Variants in ELMO1 observed in about 807,000 individuals in gnomAD.
The protein encoded by ELMO1 is engulfment and cell motility 1.
A neutral mutation model predicts 98.9 loss-of-function variants in ELMO1; 26 were observed. That is an observed-to-expected ratio of 0.26 (90% confidence interval 0.19 to 0.36). ELMO1 has a LOEUF of 0.36. ELMO1 is among the 10% of genes least tolerant of loss of function. The pLI is 1.00. For synonymous variants in ELMO1, 346 were observed against 346.0 expected (o/e 1.00, Z 0.00); for missense variants, 627 against 935.2 (o/e 0.67, Z 4.30).
intron 13 of ELMO1, among the ~76,000 whole-genome samples, chr7:37,142,706 T>A (rs1787717679): frequency 1.3e-5 from 2 of 152,226 alleles, no homozygotes; most frequent in African/African-American, 4.8e-5. Flanking sequence ...ATAGGCCAGC[T>A]GACACAGGAG....
chr7:36,881,156 G>A (rs866558896), intron 18 of ELMO1, among the ~76,000 whole-genome samples: 8 of 152,184 alleles, frequency 5.3e-5, no homozygotes, highest in Non-Finnish European at 1.0e-4. Flanking sequence ...GGCTGAAAAC[G>A]CTGAGAAACT....
chr7:37,230,483 C>T (rs1446804633), intron 8 of ELMO1, among the ~76,000 whole-genome samples: 3 of 152,190 alleles, frequency 2.0e-5, no homozygotes, highest in Non-Finnish European at 4.4e-5. Context: ...ACCAAGGACG[C>T]CCACTCACTA....
chr7:37,078,792 T>C (rs1018942869), intron 15 of ELMO1, among the ~76,000 whole-genome samples: 1 of 152,144 alleles, frequency 6.6e-6, no homozygotes, highest in Non-Finnish European at 1.5e-5. Flanking sequence ...ATACACACAA[T>C]GAAACACTAA....
At chr7:37,255,772 C>T (rs369773803) in intron 6 of ELMO1, among the ~76,000 whole-genome samples, 2 of 124,352 alleles carry the variant, frequency 1.6e-5, no homozygotes, top group East Asian at 4.5e-4. Context: ...TTACAACTGG[C>T]TCTGATGCAT....
At chr7:37,233,223 A>C (rs201146518) in intron 7 of ELMO1, 29 bp from the exon 8 acceptor site, 1 of 1,590,204 alleles carries the variant, frequency 6.3e-7, no homozygotes, top group African/African-American at 1.4e-5. Flanking sequence ...CACAAGAGTC[A>C]AGAGCCCCAA....
intron 20 of ELMO1, among the ~76,000 whole-genome samples, chr7:36,864,422 T>G (rs983741185): frequency 1.3e-5 from 2 of 152,176 alleles, no homozygotes; most frequent in African/African-American, 2.4e-5. Context: ...AATTCCCACT[T>G]TAATTTCACC....
rs1378926398 is a variant in ELMO1 at position 36,854,212 on chromosome 7, G to A, written c.*1339C>T. 1 of 152,150 alleles carries A rather than the reference G, an allele frequency of 6.6e-6. No individual in the cohort carries two copies. Among genetic ancestry groups the A allele is most frequent in the Non-Finnish European group, 1.5e-5 (1 of 68,034 alleles). The allele number at this position is 152,150 out of a possible 1,614,324, so 9.4% of individuals were successfully genotyped here. A position where few individuals can be genotyped will look rare whatever the true frequency, so the allele number is the denominator to read the frequency against. On this transcript the variant is annotated 3_prime_UTR_variant, in exon 22 of 22. Coordinates refer to ENST00000310758, the MANE Select transcript of ELMO1 (RefSeq NM_014800.11). ...ATGGTGGAGGGTTTCCCACAGCAGT[G>A]TTTTTCAAACCAATGTACATAAACA...
At chr7:37,141,188 T>C (rs577323286) in intron 13 of ELMO1, among the ~76,000 whole-genome samples, 8 of 152,292 alleles carry the variant, frequency 5.3e-5, no homozygotes, top group African/African-American at 1.9e-4. Context: ...ATATACACCA[T>C]GGAATATGAC....
At chr7:36,932,534 G>A (rs1426663549) in intron 16 of ELMO1, among the ~76,000 whole-genome samples, 1 of 152,130 alleles carries the variant, frequency 6.6e-6, no homozygotes, top group Non-Finnish European at 1.5e-5. Context: ...TGGGGGCAAG[G>A]GCAACAGTGA....
intron 17 of ELMO1, among the ~76,000 whole-genome samples, chr7:36,894,485 C>T (rs951412376): frequency 1.3e-5 from 2 of 152,188 alleles, no homozygotes; most frequent in African/African-American, 4.8e-5. Context: ...CTCTGGCTGG[C>T]TCACAAGGTC....
intron 16 of ELMO1, among the ~76,000 whole-genome samples, chr7:36,989,351 C>G (rs1791718381): frequency 2.6e-5 from 4 of 152,108 alleles, no homozygotes; most frequent in Admixed American, 2.6e-4. Flanking sequence ...CAAGGATCAC[C>G]TACATTAGAA....
intron 4 of ELMO1, among the ~76,000 whole-genome samples, chr7:37,272,719 A>AT (rs1168654209): frequency 6.6e-6 from 1 of 152,124 alleles, no homozygotes; most frequent in Non-Finnish European, 1.5e-5. Flanking sequence ...AATACATGCT[A>AT]TAACATGGAT....
chr7:36,897,397 A>G (rs1806122270), intron 16 of ELMO1, among the ~76,000 whole-genome samples: 1 of 138,718 alleles, frequency 7.2e-6, no homozygotes, highest in Non-Finnish European at 1.6e-5. Flanking sequence ...AGGTGACTCA[A>G]GCCCTGCATT....
chr7:36,885,319 A>AAAC (rs143571798), intron 18 of ELMO1, among the ~76,000 whole-genome samples: 1,955 of 150,340 alleles, frequency 0.013, 40 homozygotes, highest in African/African-American at 0.041. Context: ...AACATTTTTT[A>AAAC]AACAACAACA....
intron 4 of ELMO1, among the ~76,000 whole-genome samples, chr7:37,305,787 C>T (rs1409030923): frequency 6.6e-6 from 1 of 152,154 alleles, no homozygotes; most frequent in Admixed American, 6.5e-5. Flanking sequence ...CTGGAATATA[C>T]AGTTTTTGAT....
At position 37,331,823 on chromosome 7, in the gene ELMO1, C is replaced by A. The variant is rs114272082; in HGVS notation, c.78+10790G>T. Among the ~76,000 whole-genome samples, 1,069 of 152,156 alleles carry A rather than the reference C, an allele frequency of 7.0e-3. 12 individuals carry two copies. The highest frequency in any genetic ancestry group is 0.025 in the African/African-American group (1,032 of 41,494). ...AGACACAACATGGTGTCAGCTTGAG[C>A]AAACTGGGTGTAGTTCACATCTGTC... On this transcript the variant is annotated intron_variant, in intron 2 of 21. Coordinates refer to ENST00000310758, the MANE Select transcript of ELMO1 (RefSeq NM_014800.11).
chr7:36,893,237 A>G (rs754033634), intron 17 of ELMO1, among the ~76,000 whole-genome samples: 1 of 152,188 alleles, frequency 6.6e-6, no homozygotes, highest in Non-Finnish European at 1.5e-5. Flanking sequence ...GAAATCCAGT[A>G]CACTGTAGGC....
intron 5 of ELMO1, among the ~76,000 whole-genome samples, chr7:37,263,552 G>A (rs1381879625): frequency 1.3e-5 from 2 of 152,316 alleles, no homozygotes; most frequent in Non-Finnish European, 1.5e-5. Flanking sequence ...GAGGGTTTGT[G>A]TTAGAGAGTG....
At position 37,305,493 on chromosome 7, in the gene ELMO1, G is replaced by A. The variant is rs531667649; in HGVS notation, c.192+9357C>T. ...GTATGTGCATATTTCTTTTCAAAAGGTAATTAATCAGTTGTTGCAGACTGA... is the reference window on the plus strand; with the variant it reads ...GTATGTGCATATTTCTTTTCAAAAGATAATTAATCAGTTGTTGCAGACTGA... On this transcript the variant is annotated intron_variant, in intron 4 of 21. Transcript: ENST00000310758. Among the ~76,000 whole-genome samples, 6 of 151,552 alleles carry A rather than the reference G, an allele frequency of 4.0e-5. No homozygotes were observed. The East Asian group carries it at 1.2e-3, about 29-fold the overall frequency.
Sources: allele counts gnomAD v4.1 joint callset (sites outside exome capture counted in the v4.1 genomes callset), GRCh38; gene constraint gnomAD v4.1.1; transcripts MANE v1.5; gene names NCBI Gene and HGNC (gene_info 2026-07-23, HGNC 2026-07-21).